PCDHA12: variants seen among roughly 807,000 people sequenced by gnomAD.
PCDHA12 encodes protocadherin alpha-12.
PCDHA12 carries 44 observed loss-of-function variants against 60.0 expected under a neutral mutation model. The observed-to-expected ratio is 0.73, with a 90% CI of 0.58 to 0.94. The LOEUF is 0.94. PCDHA12 is among the 40% of genes least tolerant of loss of function. The pLI is 0.00. For synonymous variants in PCDHA12, 569 were observed against 553.0 expected, an observed-to-expected ratio of 1.03 and a Z score of -0.40; for missense variants, 1,276 against 1,239.7, an observed-to-expected ratio of 1.03 and a Z score of -0.44.
chr5:140,927,409 A>G lies in PCDHA12; in HGVS notation c.2367+49570A>G. The G allele has an allele frequency of 4.3e-6, 7 of 1,614,120 alleles. No individual in the cohort carries two copies. Among genetic ancestry groups the G allele is most frequent in the Non-Finnish European group, 5.9e-6 (7 of 1,179,964 alleles). On this transcript the variant is annotated intron_variant, in intron 1 of 3. Coordinates refer to ENST00000398631, the MANE Select transcript of PCDHA12 (RefSeq NM_018903.4). ...CCCCAGTCAGCACTTTCGCCTGGAC[A>G]TGGGATCGCGGGTTGACGGCAGCGA...
intron 1 of PCDHA12, chr5:140,969,215 C>G (rs782320507): frequency 6.2e-7 from 1 of 1,614,128 alleles, no homozygotes; most frequent in South Asian, 1.1e-5. Flanking sequence ...CCAGACAGGA[C>G]CAGGGCCTTC....
chr5:140,980,487 G>C (rs2096891705), intron 2 of PCDHA12, among the ~76,000 whole-genome samples: 1 of 152,124 alleles, frequency 6.6e-6, no homozygotes, highest in African/African-American at 2.4e-5. Flanking sequence ...AAAATTAGCT[G>C]GGCGTGATGG....
intron 1 of PCDHA12, among the ~76,000 whole-genome samples, chr5:140,913,589 T>G (rs1342360734): frequency 6.6e-6 from 1 of 152,168 alleles, no homozygotes; most frequent in Non-Finnish European, 1.5e-5. Context: ...TATTTCTGCT[T>G]TGATCTTTAT....
chr5:140,922,272 G>A (rs547313117), intron 1 of PCDHA12, among the ~76,000 whole-genome samples: 37 of 152,312 alleles, frequency 2.4e-4, no homozygotes, highest in African/African-American at 8.7e-4. Flanking sequence ...ATGAAGATTG[G>A]ACCAAGATAT....
intron 3 of PCDHA12, among the ~76,000 whole-genome samples, chr5:141,006,870 G>A (rs782345830): frequency 1.1e-4 from 16 of 152,174 alleles, no homozygotes; most frequent in Non-Finnish European, 1.5e-4. Flanking sequence ...GAATAGATTC[G>A]AGGAATCAAG....
chr5:140,966,279 G>A, intron 1 of PCDHA12: 1 of 364,628 alleles, frequency 2.7e-6, no homozygotes, highest in Non-Finnish European at 4.9e-6. Flanking sequence ...ACTGGACAGT[G>A]GGGGTAGGGA....
intron 3 of PCDHA12, among the ~76,000 whole-genome samples, chr5:140,999,225 G>C (rs543011633): frequency 1.3e-5 from 2 of 152,222 alleles, no homozygotes; most frequent in Non-Finnish European, 2.9e-5. Context: ...CTACATTTGA[G>C]AATAGGTGGT....
chr5:140,979,619 G>A (rs1344525241), intron 2 of PCDHA12, among the ~76,000 whole-genome samples: 1 of 152,164 alleles, frequency 6.6e-6, no homozygotes, highest in African/African-American at 2.4e-5. Context: ...AACGGTATTA[G>A]TCTAAGACTC....
intron 1 of PCDHA12, chr5:140,883,246 AAATATTCCAATGGCGGG>A: frequency 6.2e-7 from 1 of 1,614,082 alleles, no homozygotes; most frequent in Admixed American, 1.7e-5. Context: ...TTGACAAAGG[AAATATTCCAATGGCGGG>A]TCATTGTACC....
intron 1 of PCDHA12, chr5:140,883,009 T>C (rs782092684): frequency 1.2e-6 from 2 of 1,614,126 alleles, no homozygotes; most frequent in South Asian, 2.2e-5. Flanking sequence ...AATCCGTTTA[T>C]AAAGTGACGG....
chr5:140,928,642 G>C, intron 1 of PCDHA12: 1 of 1,614,232 alleles, frequency 6.2e-7, no homozygotes, highest in African/African-American at 1.3e-5. Flanking sequence ...CACAAAAGTG[G>C]TAGCAGAGGA....
intron 1 of PCDHA12, among the ~76,000 whole-genome samples, chr5:140,965,867 C>T (rs1267904737): frequency 1.3e-5 from 2 of 152,164 alleles, no homozygotes; most frequent in Non-Finnish European, 2.9e-5. Context: ...AAAATAAGGG[C>T]CACTTGGCCG....
At chr5:140,879,234 G>A (rs1483424901) in intron 1 of PCDHA12, among the ~76,000 whole-genome samples, 1 of 152,180 alleles carries the variant, frequency 6.6e-6, no homozygotes, top group Non-Finnish European at 1.5e-5. Flanking sequence ...ACATATACAA[G>A]AGGCACTGGC....
intron 1 of PCDHA12, chr5:140,969,476 A>G: frequency 6.8e-7 from 1 of 1,473,576 alleles, no homozygotes; most frequent in Non-Finnish European, 9.0e-7. Context: ...CAATTTGATC[A>G]TAATCTGCTA....
At position 141,011,912 on chromosome 5, in the gene PCDHA12, T is replaced by C. The variant is rs573561005; in HGVS notation, c.*1975T>C. ...ATTATATTATCTATTTAGGCATTAA[T>C]ATAAAAGAGGTAGGAGTCTGTTATT... On this transcript the variant is annotated 3_prime_UTR_variant, in exon 4 of 4. Coordinates refer to ENST00000398631, the MANE Select transcript of PCDHA12 (RefSeq NM_018903.4). 4 of 153,808 alleles carry C rather than the reference T, an allele frequency of 2.6e-5. No individual in the cohort carries two copies. In the South Asian group the frequency reaches 8.3e-4, roughly 32 times the overall value. 9.5% of individuals were successfully genotyped at this position (153,808 alleles called of 1,614,324 possible).
chr5:140,911,036 G>A (rs2075296113), intron 1 of PCDHA12, among the ~76,000 whole-genome samples: 1 of 152,104 alleles, frequency 6.6e-6, no homozygotes, highest in African/African-American at 2.4e-5. Flanking sequence ...AGGTCTAGAA[G>A]CAAACAGGGG....
At chr5:140,982,030 C>G (rs2096963361) in intron 2 of PCDHA12, among the ~76,000 whole-genome samples, 1 of 152,196 alleles carries the variant, frequency 6.6e-6, no homozygotes, top group South Asian at 2.1e-4. Flanking sequence ...TGGAACAATA[C>G]TCCAATTATC....
intron 1 of PCDHA12, among the ~76,000 whole-genome samples, chr5:140,908,903 C>T (rs116633080): frequency 2.5e-3 from 374 of 152,278 alleles, no homozygotes; most frequent in African/African-American, 8.5e-3. Context: ...AAGCCTCTTT[C>T]GTGGTTGTAG....
chr5:140,955,951 T>C (rs529805581), intron 1 of PCDHA12, among the ~76,000 whole-genome samples: 12 of 152,248 alleles, frequency 7.9e-5, no homozygotes, highest in South Asian at 2.1e-4. Context: ...GTCTACTTGC[T>C]TGTTGTTTGT....
Sources: gnomAD v4.1 joint callset for allele counts (sites outside exome capture counted in the v4.1 genomes callset) on GRCh38, gnomAD v4.1.1 for gene constraint, MANE v1.5 for transcripts, NCBI Gene and HGNC (gene_info 2026-07-23, HGNC 2026-07-21) for gene names.